TAF1B: variants seen among roughly 807,000 people sequenced by gnomAD.
TAF1B encodes the protein TATA-box binding protein associated factor, RNA polymerase I subunit B.
A neutral mutation model predicts 83.9 loss-of-function variants in TAF1B; 61 were observed. That is an observed-to-expected ratio of 0.73 (90% CI 0.59 to 0.90). The LOEUF (loss-of-function observed/expected upper bound fraction) is 0.90. Among genes scored for constraint, TAF1B ranks in the 40% least tolerant of loss-of-function variants. The probability of loss-of-function intolerance (pLI) is 0.00; values close to 1 mark genes in which losing one functional copy is unlikely to be tolerated. For synonymous variants in TAF1B, 221 were observed against 224.6 expected, an observed-to-expected ratio of 0.98 and a Z score of 0.14; for missense variants, 625 against 677.0, an observed-to-expected ratio of 0.92 and a Z score of 0.85.
chr2:9,933,667 G>A, intron 14 of TAF1B, 116 bp from the exon 15 acceptor site: 2 of 848,772 alleles, frequency 2.4e-6, no homozygotes, highest in Non-Finnish European at 3.6e-6. Context: ...TCAGGGTCCT[G>A]TTTTAAGCCT....
At chr2:9,871,283 C>T (rs1392459838) in intron 6 of TAF1B, among the ~76,000 whole-genome samples, 5 of 152,020 alleles carry the variant, frequency 3.3e-5, no homozygotes, top group Non-Finnish European at 5.9e-5. Context: ...GGGGTTTCAT[C>T]GTGTTAGCCA....
chr2:9,852,838 A>G (rs1254699116), intron 4 of TAF1B, among the ~76,000 whole-genome samples: 1 of 152,234 alleles, frequency 6.6e-6, no homozygotes, highest in African/African-American at 2.4e-5. Flanking sequence ...AAAGATCAAC[A>G]TGGGCTGCAG....
At chr2:9,851,832 A>G (rs1663406022) in intron 4 of TAF1B, 194 bp downstream of exon 4, 7 of 649,228 alleles carry the variant, frequency 1.1e-5, no homozygotes, top group South Asian at 1.8e-5. Flanking sequence ...TAAATAAGCA[A>G]TACATCCAAA....
intron 8 of TAF1B, among the ~76,000 whole-genome samples, chr2:9,895,836 T>A (rs981509683): frequency 7.5e-5 from 10 of 133,112 alleles, no homozygotes; most frequent in Non-Finnish European, 1.0e-4. Flanking sequence ...TTTTTTTTTT[T>A]AAATAGCTGA....
intron 10 of TAF1B, 68 bp from the exon 11 acceptor site, chr2:9,911,443 G>C (rs1665530342): frequency 8.0e-7 from 1 of 1,251,692 alleles, no homozygotes; most frequent in South Asian, 1.5e-5. Context: ...TCTCTCAGAA[G>C]AATTCAGAAT....
rs144717593 is a variant in TAF1B, at chr2:9,919,809, A to G, written c.1554A>G (p.Lys518=). The change falls in exon 14 of 15, where the codon AAA becomes AAG. Residue 518 remains lysine, a synonymous_variant. Coordinates refer to ENST00000263663, the MANE Select transcript of TAF1B (RefSeq NM_005680.3). ...KNSLYWLSTQ[K]FCRCYCTHVT... ...CATTATATTGGCTTAGTACACAGAAATTCTGCAGATGGTAATAATGCTTTT... is the reference window on the plus strand; with the variant it reads ...CATTATATTGGCTTAGTACACAGAAGTTCTGCAGATGGTAATAATGCTTTT... 6.2e-7 allele frequency: 1 copy of G among 1,613,750 alleles called. No individual in the cohort carries two copies. Among genetic ancestry groups the G allele is most frequent in the African/African-American group, 1.3e-5 (1 of 75,060 alleles).
intron 6 of TAF1B, among the ~76,000 whole-genome samples, chr2:9,875,663 C>T (rs553316453): frequency 9.2e-5 from 14 of 152,180 alleles, no homozygotes; most frequent in South Asian, 2.1e-4. Context: ...GGAAAAAACC[C>T]GCCCCCATGA....
chr2:9,905,657 A>G (rs1346846857), intron 9 of TAF1B, among the ~76,000 whole-genome samples: 1 of 152,164 alleles, frequency 6.6e-6, no homozygotes, highest in Non-Finnish European at 1.5e-5. Context: ...TTTTGGACTT[A>G]TATTCTTAAG....
intron 8 of TAF1B, among the ~76,000 whole-genome samples, chr2:9,893,265 G>A (rs1052366049): frequency 2.0e-5 from 3 of 152,052 alleles, no homozygotes; most frequent in Non-Finnish European, 4.4e-5. Context: ...TTGTGTATCT[G>A]TGTAATTTTA....
chr2:9,895,780 CAATAAG>C (rs897400792), intron 8 of TAF1B, among the ~76,000 whole-genome samples: 31 of 145,362 alleles, frequency 2.1e-4, no homozygotes, highest in African/African-American at 6.8e-4. Flanking sequence ...CTCAAAACAA[CAATAAG>C]AATAAGTAAG....
intron 14 of TAF1B, among the ~76,000 whole-genome samples, chr2:9,933,345 A>G (rs1666276183): frequency 6.6e-6 from 1 of 152,230 alleles, no homozygotes; most frequent in Admixed American, 6.5e-5. Flanking sequence ...CTTCTCTCAC[A>G]ATACATATAG....
chr2:9,932,745 C>T (rs1303749711), intron 14 of TAF1B, among the ~76,000 whole-genome samples: 1 of 152,254 alleles, frequency 6.6e-6, no homozygotes, highest in Non-Finnish European at 1.5e-5. Context: ...GAAGTTTCTG[C>T]TGCCTTTTGT....
rs1193486761 is a variant in TAF1B at position 9,919,673 on chromosome 2, C to T, written c.1418C>T (p.Ser473Leu). 3 of 1,614,078 alleles carry T rather than the reference C, an allele frequency of 1.9e-6. No individual in the cohort carries two copies. Among genetic ancestry groups the T allele is most frequent in the Non-Finnish European group, 2.5e-6 (3 of 1,180,058 alleles). ...STATAGKKSP[S>L]SFQFNWTEED... is the part of the protein sequence containing the mutation. ...GCAACTGCTGGAAAAAAAAGCCCTT[C>T]AAGTTTTCAGTTCAACTGGACTGAA... The change falls in exon 14 of 15, where the codon TCA (serine) becomes TTA (leucine). Residue 473 changes from serine (S) to leucine (L), a missense_variant. Ser to Leu is a moderately radical substitution (Grantham distance 145). Coordinates refer to ENST00000263663, the MANE Select transcript of TAF1B (RefSeq NM_005680.3).
chr2:9,843,558 C>T lies in TAF1B; in HGVS notation c.17C>T (p.Ala6Val), dbSNP rs17856563. The T allele has an allele frequency of 2.0e-6, 3 of 1,520,470 alleles. No individual in the cohort carries two copies. The highest frequency in any genetic ancestry group is 1.2e-5 in the South Asian group (1 of 81,884). The allele number at this position is 1,520,470 out of a possible 1,614,324, so 94.2% of individuals were successfully genotyped here. A position where few individuals can be genotyped will look rare whatever the true frequency, so the allele number is the denominator to read the frequency against. The change falls in exon 1 of 15, where the codon GCG (alanine) becomes GTG (valine). Residue 6 changes from alanine to valine, a missense_variant and splice_region_variant. Coordinates refer to ENST00000263663, the MANE Select transcript of TAF1B (RefSeq NM_005680.3). ...GGCGCCGCGATGGACCTCGAGGAGG[C>T]GGTAAGGAGGCGGTGCACCTGGCGG... is the stretch of plus-strand genomic sequence containing the variant. The part of the protein sequence containing the change: MDLEE[A>V]EEFKERCTQC...
At chr2:9,920,589 G>GGGC (rs1665847677) in intron 14 of TAF1B, among the ~76,000 whole-genome samples, 1 of 118,802 alleles carries the variant, frequency 8.4e-6, no homozygotes, top group Non-Finnish European at 1.7e-5. Context: ...CGGGGGGCGG[G>GGGC]GGGTCCATTT....
intron 6 of TAF1B, 190 bp downstream of exon 6, chr2:9,868,619 A>T (rs752032585): frequency 1.1e-5 from 9 of 843,358 alleles, no homozygotes; most frequent in Non-Finnish European, 1.8e-5. Flanking sequence ...ATTTTTTAAA[A>T]GGCACATTGT....
chr2:9,857,368 G>A (rs1250967761), intron 5 of TAF1B, among the ~76,000 whole-genome samples: 1 of 152,178 alleles, frequency 6.6e-6, no homozygotes, highest in East Asian at 1.9e-4. Context: ...TATAAAGTCT[G>A]AAGATAGAGC....
At chr2:9,868,162 GT>G (rs1315533621) in intron 5 of TAF1B, 113 bp from the exon 6 acceptor site, 2 of 1,113,882 alleles carry the variant, frequency 1.8e-6, no homozygotes, top group Non-Finnish European at 2.5e-6. Context: ...GGCAGTTGCA[GT>G]TTTCTAGAGT....
intron 5 of TAF1B, among the ~76,000 whole-genome samples, chr2:9,859,663 G>A (rs1663688308): frequency 6.6e-6 from 1 of 152,168 alleles, no homozygotes; most frequent in African/African-American, 2.4e-5. Flanking sequence ...TGAGATTATA[G>A]GCATGAGCCA....
Sources: gnomAD v4.1 joint callset for allele counts (sites outside exome capture counted in the v4.1 genomes callset) on GRCh38, gnomAD v4.1.1 for gene constraint, MANE v1.5 for transcripts, NCBI Gene and HGNC (gene_info 2026-07-23, HGNC 2026-07-21) for gene names.